Variants in ARID3A observed in about 807,000 individuals in gnomAD.
ARID3A encodes AT-rich interactive domain-containing protein 3A.
Under a neutral mutation model 52.7 loss-of-function variants are expected in ARID3A, and 11 were observed. That is an observed-to-expected ratio of 0.21 (90% confidence interval 0.13 to 0.35). The LOEUF (loss-of-function observed/expected upper bound fraction) is 0.35, where lower values mean the gene tolerates loss of function less well. Among genes scored for constraint, ARID3A ranks in the 10% least tolerant of loss-of-function variants. The probability of loss-of-function intolerance (pLI) is 1.00; values close to 1 mark genes in which losing one functional copy is unlikely to be tolerated. For synonymous variants in ARID3A, 404 were observed against 359.4 expected, an observed-to-expected ratio of 1.12 and a Z score of -1.40; for missense variants, 721 against 838.5, an observed-to-expected ratio of 0.86 and a Z score of 1.73.
chr19:953,235 G>C (rs919268185), intron 3 of ARID3A, among the ~76,000 whole-genome samples: 1 of 152,094 alleles, frequency 6.6e-6, no homozygotes, highest in Non-Finnish European at 1.5e-5. Flanking sequence ...TGACCCCCTC[G>C]GAGCTGTCGT....
At chr19:954,022 C>G (rs1222671577) in intron 3 of ARID3A, among the ~76,000 whole-genome samples, 19 of 152,162 alleles carry the variant, frequency 1.2e-4, no homozygotes, top group Admixed American at 1.2e-3. Context: ...CCACTGCACT[C>G]CAGCCTGAGT....
chr19:926,084 C>A (rs1270934735), intron 1 of ARID3A, 25 bp downstream of exon 1: 2 of 116,134 alleles, frequency 1.7e-5, no homozygotes, highest in Admixed American at 1.7e-4. Context: ...GGCACAGCCC[C>A]GTGGGTCGGG....
intron 6 of ARID3A, 35 bp downstream of exon 6, chr19:965,115 A>G: frequency 6.4e-7 from 1 of 1,556,970 alleles, no homozygotes; most frequent in Non-Finnish European, 8.7e-7. Flanking sequence ...GCGTGTTCCC[A>G]ACTGAGCTTC....
chr19:936,079 C>T (rs570221969), intron 3 of ARID3A, among the ~76,000 whole-genome samples: 91 of 152,366 alleles, frequency 6.0e-4, no homozygotes, highest in African/African-American at 2.1e-3. Flanking sequence ...CGTGAGCCAC[C>T]GCGCCCGGCC....
chr19:971,821 G>A (rs529190403), intron 8 of ARID3A, 57 bp from the exon 9 acceptor site: 3 of 1,533,664 alleles, frequency 2.0e-6, no homozygotes, highest in Admixed American at 4.2e-5. Flanking sequence ...CTCCCTTGTG[G>A]CCCGCCTCGC....
chr19:954,660 G>T (rs1323972802), intron 3 of ARID3A, among the ~76,000 whole-genome samples: 1 of 152,112 alleles, frequency 6.6e-6, no homozygotes, highest in East Asian at 1.9e-4. Context: ...GGTCGGTAAA[G>T]GTGGGTGGGA....
intron 8 of ARID3A, 88 bp downstream of exon 8, chr19:968,591 G>A: frequency 7.8e-7 from 1 of 1,288,970 alleles, no homozygotes; most frequent in Non-Finnish European, 1.1e-6. Flanking sequence ...GGTCCCACCT[G>A]CTTGAACCTA....
intron 4 of ARID3A, among the ~76,000 whole-genome samples, chr19:962,146 T>A (rs1277626878): frequency 6.6e-6 from 1 of 152,194 alleles, no homozygotes; most frequent in Non-Finnish European, 1.5e-5. Context: ...ATGGGGGCCC[T>A]TGGAGCTGAG....
At position 968,474 on chromosome 19, in the gene ARID3A, C is replaced by T. The variant is rs747585677; in HGVS notation, c.1565C>T (p.Ser522Leu). Residue 522 changes from serine to leucine, a missense_variant, in exon 8 of 9, where the codon TCG (serine) becomes TTG (leucine). Transcript: ENST00000263620. ...GTNGSNSISM[S>L]VEINGIMYTG... ...AACGGCAGCAACAGCATCAGCATGT[C>T]GGTGGAGATCAACGGCATCATGTAC... The T allele has an allele frequency of 4.3e-6, 7 of 1,613,854 alleles. No individual in the cohort carries two copies. The highest frequency in any genetic ancestry group is 1.3e-5 in the African/African-American group (1 of 74,932).
At position 954,845 on chromosome 19, in the gene ARID3A, C is replaced by T. The variant is rs555366279; in HGVS notation, c.694-5247C>T. On this transcript the variant is annotated intron_variant, in intron 3 of 8. Coordinates refer to ENST00000263620, the MANE Select transcript of ARID3A (RefSeq NM_005224.3). ...GGCTGATGGGGGGCGGTGGGGGTCT[C>T]AGCGGAGGGGCACCTTCAGAACTTC... 4.5e-4 allele frequency among the ~76,000 whole-genome samples: 69 copies of T among 152,092 alleles called. No individual in the cohort carries two copies. In the East Asian group the frequency reaches 8.3e-3, roughly 18 times the overall value.
In ARID3A at chr19:975,132, C is replaced by CA. The variant is rs1274933359; in HGVS notation, c.*3067_*3068insA. 2 of 230,712 alleles carry CA rather than the reference C, an allele frequency of 8.7e-6. No homozygotes were observed. Among genetic ancestry groups the CA allele is most frequent in the African/African-American group, 4.4e-5 (2 of 44,946 alleles). 14.3% of individuals were successfully genotyped at this position (230,712 alleles called of 1,614,324 possible). A position where few individuals can be genotyped will look rare whatever the true frequency, so the allele number is the denominator to read the frequency against. On this transcript the variant is annotated 3_prime_UTR_variant, in exon 9 of 9. Transcript: ENST00000263620. Reference sequence around the variant, plus strand: ...GGCTTTCTGGGGTGCAGCTCAGCACCCCCCCTTATGCAGACTGGGAGGGGG... The same window carrying CA: ...GGCTTTCTGGGGTGCAGCTCAGCACCACCCCCTTATGCAGACTGGGAGGGGG...
chr19:973,471 G>T lies in ARID3A; in HGVS notation c.*1406G>T. On this transcript the variant is annotated 3_prime_UTR_variant, in exon 9 of 9. Transcript: ENST00000263620. ...GCTGGAAAAAGGGCCTGGGGGGCGGGGGTGGTTCTTGTCGAAGCCCCCAGG... is the reference window on the plus strand; with the variant it reads ...GCTGGAAAAAGGGCCTGGGGGGCGGTGGTGGTTCTTGTCGAAGCCCCCAGG... 4.7e-6 allele frequency: 1 copy of T among 213,438 alleles called. No individual in the cohort carries two copies. The highest frequency in any genetic ancestry group is 9.5e-6 in the Non-Finnish European group (1 of 105,468). 13.2% of individuals were successfully genotyped at this position (213,438 alleles called of 1,614,324 possible).
intron 1 of ARID3A, among the ~76,000 whole-genome samples, chr19:926,612 GTTTA>G (rs368030116): frequency 7.2e-5 from 11 of 151,860 alleles, no homozygotes; most frequent in African/African-American, 2.7e-4. Context: ...AGCCGGGCTG[GTTTA>G]TTTATAAAGT....
At chr19:957,272 A>G (rs1306374749) in intron 3 of ARID3A, among the ~76,000 whole-genome samples, 1 of 151,676 alleles carries the variant, frequency 6.6e-6, no homozygotes, top group African/African-American at 2.4e-5. Context: ...GGAGGCTGAG[A>G]CTCCAGGCTC....
At position 926,507 on chromosome 19, in the gene ARID3A, C is replaced by T. The variant is rs1429365795; in HGVS notation, c.-268+448C>T. On this transcript the variant is annotated intron_variant, in intron 1 of 8. Transcript: ENST00000263620. ...TGCGCGCGCGCGGGGGGCTGCACCC[C>T]GATATTTTATTTCATTTTTATTCTT... Among the ~76,000 whole-genome samples the T allele has an allele frequency of 4.0e-5, 6 of 151,642 alleles. No homozygotes were observed. The East Asian group carries it at 5.9e-4, about 15-fold the overall frequency.
chr19:946,364 C>A (rs1447941202), intron 3 of ARID3A, among the ~76,000 whole-genome samples: 1 of 150,860 alleles, frequency 6.6e-6, no homozygotes, highest in Non-Finnish European at 1.5e-5. Context: ...CGGGTTCAAG[C>A]GATTCTCCTG....
chr19:965,264 T>A (rs1324259836), intron 6 of ARID3A, 184 bp downstream of exon 6: 1 of 685,050 alleles, frequency 1.5e-6, no homozygotes, highest in Non-Finnish European at 2.3e-6. Flanking sequence ...CCATCACCAT[T>A]TTCTAATTCC....
Position 964,558 on chromosome 19 carries a change from G to A in ARID3A, c.950+127G>A. The A allele has an allele frequency of 7.6e-7, 1 of 1,318,490 alleles. No individual in the cohort carries two copies. The allele number at this position is 1,318,490 out of a possible 1,614,324, so 81.7% of individuals were successfully genotyped here. On this transcript the variant is annotated intron_variant, in intron 5 of 8. Transcript: ENST00000263620. The surrounding 1 kb of genome is among the most constrained non-coding windows in gnomAD (Gnocchi z 5.7). ...AGGGGGCAGTGGGCAGCCGCAAAGG[G>A]CACAGGGCCACACCGTGCGTCCAGG...
chr19:974,766 G>T lies in ARID3A; in HGVS notation c.*2701G>T, dbSNP rs1281067867. 2 of 230,760 alleles carry T rather than the reference G, an allele frequency of 8.7e-6. No individual in the cohort carries two copies. Among genetic ancestry groups the T allele is most frequent in the Admixed American group, 1.1e-4 (2 of 17,666 alleles). 14.3% of individuals were successfully genotyped at this position (230,760 alleles called of 1,614,324 possible). A position where few individuals can be genotyped will look rare whatever the true frequency, so the allele number is the denominator to read the frequency against. ...GTGTGTGTCGGGAATCCTGCGTGTC[G>T]TGTCTGTGGGCGATCCGGCCTCCCG... On this transcript the variant is annotated 3_prime_UTR_variant, in exon 9 of 9. Transcript: ENST00000263620.
Sources: gnomAD v4.1 joint callset for allele counts (sites outside exome capture counted in the v4.1 genomes callset) on GRCh38, gnomAD v4.1.1 for gene constraint, Gnocchi (gnomAD v3.1) non-coding constraint, MANE v1.5 for transcripts, NCBI Gene and HGNC (gene_info 2026-07-23, HGNC 2026-07-21) for gene names.